PPEF2: variants seen among roughly 807,000 people sequenced by gnomAD.
PPEF2 encodes serine/threonine-protein phosphatase with EF-hands 2.
In PPEF2, 84 loss-of-function variants were observed where a neutral mutation model predicts 84.7. That is an observed-to-expected ratio of 0.99 (90% confidence interval 0.83 to 1.19). The LOEUF is 1.19. Among genes scored for constraint, PPEF2 ranks in the 50% most tolerant of loss-of-function variants. The pLI is 0.00. For missense variants in PPEF2, 924 were observed against 937.5 expected, an observed-to-expected ratio of 0.99 and a Z score of 0.19; for synonymous variants, 346 against 345.2, an observed-to-expected ratio of 1.00 and a Z score of -0.03.
At chr4:75,883,692 C>G (rs1295983178) in intron 8 of PPEF2, among the ~76,000 whole-genome samples, 1 of 151,674 alleles carries the variant, frequency 6.6e-6, no homozygotes, top group Admixed American at 6.6e-5. Flanking sequence ...GTGGCAGGCT[C>G]CTGTAGTCCC....
Position 75,884,706 on chromosome 4 carries a change from G to A in PPEF2, c.634C>T (p.Arg212Ter), listed in dbSNP as rs770901768. Residue 212 changes from arginine to a stop codon, truncating the protein, a stop_gained, in exon 8 of 17, where the codon CGA becomes TGA. Coordinates refer to ENST00000286719, the MANE Select transcript of PPEF2 (RefSeq NM_006239.3). LOFTEE classifies it high-confidence loss of function. ...SYVFNGDFVD[R>*]GKDSVEILMI... Reference sequence around the variant, plus strand: ...AGGATCTCTACTGAATCCTTGCCTCGATCCACAAAGTCACCGTTGAACACA... The same window carrying A: ...AGGATCTCTACTGAATCCTTGCCTCAATCCACAAAGTCACCGTTGAACACA... 2.2e-5 allele frequency: 36 copies of A among 1,612,870 alleles called. No homozygotes were observed. Among genetic ancestry groups the A allele is most frequent in the Middle Eastern group, 1.7e-4 (1 of 6,054 alleles).
intron 1 of PPEF2, among the ~76,000 whole-genome samples, chr4:75,901,170 A>G (rs1360703529): frequency 6.6e-6 from 1 of 152,240 alleles, no homozygotes; most frequent in African/African-American, 2.4e-5. Context: ...ATGGCTGCTT[A>G]AGAGAAGAAG....
chr4:75,890,817 G>T (rs1251450438), intron 4 of PPEF2, among the ~76,000 whole-genome samples: 1 of 152,238 alleles, frequency 6.6e-6, no homozygotes, highest in Non-Finnish European at 1.5e-5. Flanking sequence ...GCTTCCAGCT[G>T]CCAGCATTGG....
Position 75,873,293 on chromosome 4 carries a change from CT to C in PPEF2, c.1339del (p.Ser447ValfsTer25). 1 of 1,613,380 alleles carries C rather than the reference CT, an allele frequency of 6.2e-7. No individual in the cohort carries two copies. ...GCAGCCCTCTTGAGCCATGGGATCA[CT>C]CCACAGGATATCTACAACCTGAGAA... ...EWRQVVDILW[S>X]DPMAQEGCKA... On this transcript the variant is annotated frameshift_variant, in exon 12 of 17. Coordinates refer to ENST00000286719, the MANE Select transcript of PPEF2 (RefSeq NM_006239.3). LOFTEE classifies it high-confidence loss of function.
intron 13 of PPEF2, among the ~76,000 whole-genome samples, chr4:75,870,008 T>C (rs1311680712): frequency 6.6e-6 from 1 of 152,236 alleles, no homozygotes; most frequent in Non-Finnish European, 1.5e-5. Flanking sequence ...AAGTGATTTC[T>C]GGGTAAATCA....
chr4:75,890,241 T>C, intron 4 of PPEF2, 109 bp from the exon 5 acceptor site: 2 of 1,227,818 alleles, frequency 1.6e-6, no homozygotes, highest in Middle Eastern at 2.8e-4. Context: ...ATCCCAGAAA[T>C]TTGCGGGGCC....
intron 10 of PPEF2, among the ~76,000 whole-genome samples, chr4:75,879,745 GC>G (rs1724516858): frequency 6.6e-6 from 1 of 152,044 alleles, no homozygotes; most frequent in Non-Finnish European, 1.5e-5. Flanking sequence ...TTGCTTTCTT[GC>G]TCTGAGGCTT....
At chr4:75,895,991 C>T (rs1362375075) in intron 2 of PPEF2, among the ~76,000 whole-genome samples, 2 of 152,278 alleles carry the variant, frequency 1.3e-5, no homozygotes, top group East Asian at 3.9e-4. Flanking sequence ...TGTTTCATCC[C>T]CTCTTTGCCC....
chr4:75,901,124 A>G (rs1015156249), intron 1 of PPEF2, among the ~76,000 whole-genome samples: 1 of 152,248 alleles, frequency 6.6e-6, no homozygotes, highest in African/African-American at 2.4e-5. Flanking sequence ...ACATAAGAAA[A>G]ATTAGAAAGT....
chr4:75,900,143 G>T (rs964101162), intron 1 of PPEF2, among the ~76,000 whole-genome samples: 4 of 152,158 alleles, frequency 2.6e-5, no homozygotes, highest in African/African-American at 9.7e-5. Flanking sequence ...GCAGTAAAAG[G>T]CATACTATTT....
In PPEF2 at chr4:75,890,054, G is replaced by A; in HGVS notation, c.320C>T (p.Ser107Phe). ...CGTGTAACTGTCGGGTACCTCTATG[G>A]ATTCATAGTCACTGCATTTCTTCAT... ...SEMKKCSDYE[S>F]IEVPDSYTGP... Residue 107 changes from serine to phenylalanine, a missense_variant, in exon 5 of 17, where the codon TCC becomes TTC. Transcript: ENST00000286719. The A allele has an allele frequency of 6.2e-7, 1 of 1,614,082 alleles. No individual in the cohort carries two copies. Among genetic ancestry groups the A allele is most frequent in the Non-Finnish European group, 8.5e-7 (1 of 1,179,998 alleles).
chr4:75,869,833 C>T (rs1724226001), intron 13 of PPEF2, among the ~76,000 whole-genome samples: 1 of 145,946 alleles, frequency 6.9e-6, no homozygotes, highest in South Asian at 2.3e-4. Context: ...GGTGACACAG[C>T]GAGACCCTGT....
At chr4:75,887,982 G>A (rs766014043) in intron 6 of PPEF2, among the ~76,000 whole-genome samples, 2 of 152,174 alleles carry the variant, frequency 1.3e-5, no homozygotes, top group Non-Finnish European at 2.9e-5. Context: ...AGTAGGAATT[G>A]CTTGGGAAAA....
At chr4:75,891,810 A>T (rs775160236) in intron 3 of PPEF2, 41 bp downstream of exon 3, 1 of 1,600,124 alleles carries the variant, frequency 6.2e-7, no homozygotes, top group Admixed American at 1.7e-5. Context: ...CTGCTGCCCA[A>T]GGGAGAGCAG....
intron 14 of PPEF2, chr4:75,866,630 A>T (rs969832360): frequency 7.1e-6 from 3 of 423,442 alleles, no homozygotes; most frequent in African/African-American, 6.0e-5. Context: ...GTTTGTCTGT[A>T]ATTCAAACTT....
At chr4:75,892,800 C>T (rs1163526780) in intron 2 of PPEF2, among the ~76,000 whole-genome samples, 6 of 152,058 alleles carry the variant, frequency 3.9e-5, no homozygotes, top group Admixed American at 3.9e-4. Flanking sequence ...AGTATTGTTG[C>T]CAGAGAAGGG....
intron 1 of PPEF2, among the ~76,000 whole-genome samples, chr4:75,897,043 C>T (rs1294241243): frequency 2.0e-5 from 3 of 152,006 alleles, no homozygotes; most frequent in Non-Finnish European, 2.9e-5. Context: ...TTAGTAGAGA[C>T]GGGGTTTCGC....
rs566774538 is a variant in PPEF2, at chr4:75,889,779, A to G, written c.417+178T>C. Among the ~76,000 whole-genome samples the G allele has an allele frequency of 2.6e-5, 4 of 152,324 alleles. No individual in the cohort carries two copies. The South Asian group carries it at 6.2e-4, about 24-fold the overall frequency. ...TGATTAGGAAGAAAAGCTGTCAATCATCAGAACTGGCTGATTGACTGCAAG... is the reference window on the plus strand; with the variant it reads ...TGATTAGGAAGAAAAGCTGTCAATCGTCAGAACTGGCTGATTGACTGCAAG... On this transcript the variant is annotated intron_variant, in intron 5 of 16. Coordinates refer to ENST00000286719, the MANE Select transcript of PPEF2 (RefSeq NM_006239.3).
intron 2 of PPEF2, among the ~76,000 whole-genome samples, chr4:75,893,008 T>C (rs1409849727): frequency 6.6e-6 from 1 of 152,128 alleles, no homozygotes; most frequent in Non-Finnish European, 1.5e-5. Flanking sequence ...AGACAGATAA[T>C]AGAATTCTTG....
Sources: gnomAD v4.1 joint callset for allele counts (sites outside exome capture counted in the v4.1 genomes callset) on GRCh38, gnomAD v4.1.1 for gene constraint, MANE v1.5 for transcripts, NCBI Gene and HGNC (gene_info 2026-07-23, HGNC 2026-07-21) for gene names.